Variants in STAU1 observed in about 807,000 individuals in gnomAD.
The protein encoded by STAU1 is staufen double-stranded RNA binding protein 1.
In STAU1, 13 loss-of-function variants were observed where a neutral mutation model predicts 62.9. That is an observed-to-expected ratio of 0.21 (90% CI 0.13 to 0.33). The LOEUF (loss-of-function observed/expected upper bound fraction) is 0.33. Among genes scored for constraint, STAU1 ranks in the 10% least tolerant of loss-of-function variants. The probability of loss-of-function intolerance (pLI) is 1.00; values close to 1 mark genes in which losing one functional copy is unlikely to be tolerated. For missense variants in STAU1, 571 were observed against 712.1 expected, an observed-to-expected ratio of 0.80 and a Z score of 2.25; for synonymous variants, 269 against 265.1, an observed-to-expected ratio of 1.01 and a Z score of -0.14.
At chr20:49,154,955 G>A (rs1299888958) in intron 3 of STAU1, among the ~76,000 whole-genome samples, 7 of 152,188 alleles carry the variant, frequency 4.6e-5, no homozygotes, top group Admixed American at 1.3e-4. Context: ...GCATGGTGGC[G>A]CATGCCTGTA....
chr20:49,129,280 ATTTT>A (rs71184264), intron 6 of STAU1, among the ~76,000 whole-genome samples: 1 of 87,928 alleles, frequency 1.1e-5, no homozygotes, highest in Non-Finnish European at 2.0e-5. Flanking sequence ...TTAAAAAAAA[ATTTT>A]TTTTTTTTTT....
chr20:49,152,123 C>T lies in STAU1; in HGVS notation c.345-376G>A, dbSNP rs139903546. Among the ~76,000 whole-genome samples the T allele has an allele frequency of 2.0e-3, 303 of 152,280 alleles. 1 individual carries two copies. Among genetic ancestry groups the T allele is most frequent in the African/African-American group, 6.9e-3 (288 of 41,554 alleles). ...AAATTTGCATGTCTCCAATAGGAGG[C>T]TGGGAATTTTAATGCACAAGTCTTT... On this transcript the variant is annotated intron_variant, in intron 4 of 13. Coordinates refer to ENST00000371856, the MANE Select transcript of STAU1 (RefSeq NM_017453.4).
intron 3 of STAU1, among the ~76,000 whole-genome samples, chr20:49,157,194 T>G (rs1440321721): frequency 6.6e-6 from 1 of 152,140 alleles, no homozygotes; most frequent in Non-Finnish European, 1.5e-5. Flanking sequence ...TCTCTTCCAA[T>G]TACTTCTCAT....
chr20:49,140,861 AATC>A (rs941432561), intron 5 of STAU1, among the ~76,000 whole-genome samples: 37 of 152,342 alleles, frequency 2.4e-4, no homozygotes, highest in Admixed American at 7.2e-4. Context: ...AGATACCAGA[AATC>A]ATCAACACAG....
At chr20:49,167,461 T>C (rs891537100) in intron 2 of STAU1, among the ~76,000 whole-genome samples, 2 of 152,198 alleles carry the variant, frequency 1.3e-5, no homozygotes, top group Non-Finnish European at 2.9e-5. Context: ...CAAAAAGGAC[T>C]GCAAAACTCA....
At chr20:49,201,480 G>A in the STAU1 span, among the ~76,000 whole-genome samples, 1 of 152,078 alleles carries the variant, frequency 6.6e-6, no homozygotes, top group African/African-American at 2.4e-5. Context: ...GGTGACTAAC[G>A]CTTGTAATCC....
chr20:49,209,724 C>T, the STAU1 span, among the ~76,000 whole-genome samples: 37 of 151,880 alleles, frequency 2.4e-4, no homozygotes, highest in Non-Finnish European at 5.1e-4. Flanking sequence ...GCCTGGGCAA[C>T]AAGAGCAAAA....
intron 1 of STAU1, among the ~76,000 whole-genome samples, chr20:49,175,589 C>G (rs1183371437): frequency 6.6e-6 from 1 of 151,690 alleles, no homozygotes; most frequent in Non-Finnish European, 1.5e-5. Context: ...AAGCAATTCT[C>G]CTGCCTCAGA....
intron 5 of STAU1, among the ~76,000 whole-genome samples, chr20:49,143,937 G>A (rs780038662): frequency 1.3e-5 from 2 of 152,192 alleles, no homozygotes; most frequent in African/African-American, 2.4e-5. Context: ...CACCTGTAGC[G>A]ATGTCAGATT....
the STAU1 span, among the ~76,000 whole-genome samples, chr20:49,202,093 G>T: frequency 6.7e-6 from 1 of 149,812 alleles, no homozygotes; most frequent in South Asian, 2.1e-4. Flanking sequence ...GGTGGTGGGT[G>T]CCTGTAGTCC....
intron 8 of STAU1, among the ~76,000 whole-genome samples, chr20:49,121,590 T>G (rs538823528): frequency 2.6e-5 from 4 of 152,210 alleles, no homozygotes; most frequent in Non-Finnish European, 5.9e-5. Flanking sequence ...CTGAAATATG[T>G]ATGAAATTTA....
rs539839790 is a variant in STAU1 at position 49,175,820 on chromosome 20, G to A, written c.-159-1551C>T. ...TGCCTTTTTTTTTTTTTTTTGAGAC[G>A]GAGTCTCGCTGTCGTCCAGGCTGGA... is the stretch of plus-strand genomic sequence containing the variant. On this transcript the variant is annotated intron_variant, in intron 1 of 13. Coordinates refer to ENST00000371856, the MANE Select transcript of STAU1 (RefSeq NM_017453.4). Among the ~76,000 whole-genome samples, 17 of 64,926 alleles carry A rather than the reference G, an allele frequency of 2.6e-4. 1 individual carries two copies. Among genetic ancestry groups the A allele is most frequent in the African/African-American group, 5.9e-4 (9 of 15,194 alleles). The allele number at this position is 64,926 out of a possible 152,430, so 42.6% of individuals were successfully genotyped here.
At chr20:49,120,213 CA>C in intron 8 of STAU1, 85 bp from the exon 9 acceptor site, 7 of 1,466,686 alleles carry the variant, frequency 4.8e-6, no homozygotes, top group Non-Finnish European at 6.4e-6. Context: ...GCAAAATAAC[CA>C]ACTATGGTCA....
the STAU1 span, among the ~76,000 whole-genome samples, chr20:49,208,892 G>A: frequency 6.6e-6 from 1 of 151,632 alleles, no homozygotes; most frequent in Non-Finnish European, 1.5e-5. Flanking sequence ...AAAGTGCTGG[G>A]ATTACAGGCG....
chr20:49,131,073 T>C (rs1056925177), intron 6 of STAU1, among the ~76,000 whole-genome samples: 2 of 152,128 alleles, frequency 1.3e-5, no homozygotes, highest in Admixed American at 1.3e-4. Flanking sequence ...ATCACTCCCA[T>C]GGTGATCCTG....
At chr20:49,116,296 G>A (rs1305287497) in intron 12 of STAU1, among the ~76,000 whole-genome samples, 8 of 151,512 alleles carry the variant, frequency 5.3e-5, no homozygotes, top group Non-Finnish European at 1.0e-4. Flanking sequence ...CTCCACACCC[G>A]GCCTATCATG....
At chr20:49,201,188 T>C in the STAU1 span, among the ~76,000 whole-genome samples, 2 of 151,128 alleles carry the variant, frequency 1.3e-5, no homozygotes, top group African/African-American at 4.9e-5. Context: ...ACTAAAATGG[T>C]AGATATATGA....
intron 5 of STAU1, among the ~76,000 whole-genome samples, chr20:49,138,978 T>C (rs1287697406): frequency 1.3e-5 from 2 of 151,834 alleles, no homozygotes; most frequent in Non-Finnish European, 2.9e-5. Context: ...TAAATAGATA[T>C]TAAACTTAAA....
chr20:49,166,046 T>C lies in STAU1; in HGVS notation c.156A>G (p.Gln52=), dbSNP rs756580550. 6 of 1,614,108 alleles carry C rather than the reference T, an allele frequency of 3.7e-6. No individual in the cohort carries two copies. In the East Asian group the frequency reaches 1.1e-4, roughly 30 times the overall value. The change falls in exon 3 of 14, where the codon CAA becomes CAG. Residue 52 remains glutamine, a synonymous_variant. Coordinates refer to ENST00000371856, the MANE Select transcript of STAU1 (RefSeq NM_017453.4). Reference sequence around the variant, plus strand: ...TAGATGCAGAGGGTAAAGCAGAGTTTTGAATGGGTCTACCTGCATTTTCAG... The same window carrying C: ...TAGATGCAGAGGGTAAAGCAGAGTTCTGAATGGGTCTACCTGCATTTTCAG... ...LPSENAGRPI[Q]NSALPSASIT... is the part of the protein sequence containing the mutation.
Sources: gnomAD v4.1 joint callset for allele counts (sites outside exome capture counted in the v4.1 genomes callset) on GRCh38, gnomAD v4.1.1 for gene constraint, MANE v1.5 for transcripts, NCBI Gene and HGNC (gene_info 2026-07-23, HGNC 2026-07-21) for gene names.